Variants in ZNF251 observed in about 807,000 individuals in gnomAD.
ZNF251 encodes the protein zinc finger protein 251.
In ZNF251, 14 loss-of-function variants were observed where a neutral mutation model predicts 13.5. The ratio of observed to expected loss-of-function variants is 1.04; its 90% CI spans 0.69 to 1.63. The LOEUF (loss-of-function observed/expected upper bound fraction) is 1.63. Among genes scored for constraint, ZNF251 ranks in the 40% most tolerant of loss-of-function variants. The probability of loss-of-function intolerance (pLI) is 0.00; values close to 1 mark genes in which losing one functional copy is unlikely to be tolerated. For synonymous variants in ZNF251, 287 were observed against 295.2 expected (o/e 0.97, Z 0.28); for missense variants, 764 against 834.9 (o/e 0.92, Z 1.05).
intron 4 of ZNF251, among the ~76,000 whole-genome samples, chr8:144,738,939 A>T (rs537398546): frequency 6.6e-6 from 1 of 152,258 alleles, no homozygotes; most frequent in African/African-American, 2.4e-5. Context: ...ATGCAGGGTG[A>T]CACTTGAAAC....
Position 144,723,233 on chromosome 8 carries a change from G to A in ZNF251, c.427C>T (p.Leu143Phe). ...GCAGAATTTCCCACGCGCTCTTTGA[G>A]TTTGCCCTCACGGCCCCATGCTTCC... ...FREAWGREGK[L>F]KERVGNSAGQ... Residue 143 changes from leucine (L) to phenylalanine (F), a missense_variant, in exon 5 of 5, where the codon CTC becomes TTC. Coordinates refer to ENST00000292562, the MANE Select transcript of ZNF251 (RefSeq NM_138367.2). 6.2e-7 allele frequency: 1 copy of A among 1,613,652 alleles called. No individual in the cohort carries two copies. Among genetic ancestry groups the A allele is most frequent in the Non-Finnish European group, 8.5e-7 (1 of 1,179,706 alleles).
At chr8:144,725,078 A>C (rs973794697) in intron 4 of ZNF251, among the ~76,000 whole-genome samples, 2 of 152,008 alleles carry the variant, frequency 1.3e-5, no homozygotes, top group African/African-American at 4.8e-5. Context: ...CAATGGCACG[A>C]TCTCGGCTCA....
At chr8:144,736,030 C>T (rs978731138) in intron 4 of ZNF251, among the ~76,000 whole-genome samples, 2 of 152,206 alleles carry the variant, frequency 1.3e-5, no homozygotes, top group Non-Finnish European at 2.9e-5. Flanking sequence ...CCCCAAATCC[C>T]TGGACTAAGA....
intron 4 of ZNF251, among the ~76,000 whole-genome samples, chr8:144,732,326 C>T (rs1698998482): frequency 6.6e-6 from 1 of 152,140 alleles, no homozygotes; most frequent in Admixed American, 6.6e-5. Flanking sequence ...GATTTCCAAG[C>T]ATGATAAATG....
At position 144,753,728 on chromosome 8, in the gene ZNF251, G is replaced by A. The variant is rs1824813454; in HGVS notation, c.232C>T (p.Leu78Phe). The A allele has an allele frequency of 6.3e-7, 1 of 1,599,408 alleles. No individual in the cohort carries two copies. Among genetic ancestry groups the A allele is most frequent in the African/African-American group, 1.3e-5 (1 of 74,692 alleles). The change falls in exon 4 of 5, where the codon CTT becomes TTT. Residue 78 changes from leucine (L) to phenylalanine (F), a missense_variant. Leu to Phe is a conservative substitution (Grantham distance 22). Coordinates refer to ENST00000292562, the MANE Select transcript of ZNF251 (RefSeq NM_138367.2). ...EQGKELWVLNLLGAEEPDILK... is the reference protein window; with the variant it reads ...EQGKELWVLNFLGAEEPDILK... ...ATATCTGGTTCCTCAGCTCCCAGAAGATTCAGGACCCAAAGTTCCTTCCCC... is the reference window on the plus strand; with the variant it reads ...ATATCTGGTTCCTCAGCTCCCAGAAAATTCAGGACCCAAAGTTCCTTCCCC...
At chr8:144,737,070 C>T (rs1459670300) in intron 4 of ZNF251, among the ~76,000 whole-genome samples, 1 of 149,910 alleles carries the variant, frequency 6.7e-6, no homozygotes, top group Non-Finnish European at 1.5e-5. Context: ...TCCCAAAGTG[C>T]TGGGATTACA....
Position 144,755,519 on chromosome 8 carries a change from C to A in ZNF251, c.-190G>T, listed in dbSNP as rs1411422590. Reference sequence around the variant, plus strand: ...GGTCCAGAGCCGGGGAGGGGGCGGGCTAGGATGAAGAGGGCGGGCCGGGCC... The same window carrying A: ...GGTCCAGAGCCGGGGAGGGGGCGGGATAGGATGAAGAGGGCGGGCCGGGCC... On this transcript the variant is annotated 5_prime_UTR_variant, in exon 1 of 5. Coordinates refer to ENST00000292562, the MANE Select transcript of ZNF251 (RefSeq NM_138367.2). 3 of 1,285,832 alleles carry A rather than the reference C, an allele frequency of 2.3e-6. No individual in the cohort carries two copies. The highest frequency in any genetic ancestry group is 2.3e-5 in the Admixed American group (1 of 43,482). The allele number at this position is 1,285,832 out of a possible 1,614,324, so 79.7% of individuals were successfully genotyped here. A position where few individuals can be genotyped will look rare whatever the true frequency, so the allele number is the denominator to read the frequency against.
At chr8:144,755,292 C>G (rs1358575261) in intron 1 of ZNF251, 113 bp downstream of exon 1, 2 of 1,236,524 alleles carry the variant, frequency 1.6e-6, no homozygotes, top group Non-Finnish European at 2.1e-6. Context: ...GTGGCTCCCG[C>G]GGCACCCAGA....
intron 4 of ZNF251, among the ~76,000 whole-genome samples, chr8:144,732,011 C>A (rs992688001): frequency 3.3e-5 from 5 of 150,360 alleles, no homozygotes; most frequent in Non-Finnish European, 7.4e-5. Context: ...GATGCGATCT[C>A]AACTCACTGC....
intron 2 of ZNF251, 81 bp downstream of exon 2, chr8:144,754,615 C>A (rs1824867815): frequency 3.3e-6 from 5 of 1,513,248 alleles, no homozygotes; most frequent in Admixed American, 2.4e-5. Flanking sequence ...AGTTGCCGGG[C>A]TCACGGCTCC....
intron 3 of ZNF251, 122 bp from the exon 4 acceptor site, chr8:144,753,918 T>G: frequency 1.2e-6 from 1 of 818,238 alleles, no homozygotes; most frequent in Non-Finnish European, 1.9e-6. Flanking sequence ...AGGGGGCCCG[T>G]GGGCTGAGAC....
chr8:144,747,739 A>G (rs1824496347), intron 4 of ZNF251, among the ~76,000 whole-genome samples: 1 of 152,024 alleles, frequency 6.6e-6, no homozygotes. Context: ...CAGCCTCCCG[A>G]GTAGCTGAGA....
At chr8:144,754,586 G>T (rs1170194104) in intron 2 of ZNF251, 110 bp downstream of exon 2, 2 of 1,475,818 alleles carry the variant, frequency 1.4e-6, no homozygotes, top group East Asian at 2.5e-5. Context: ...GTTGCTATGA[G>T]CCCCTGGCTG....
At chr8:144,752,325 G>T (rs1824737364) in intron 4 of ZNF251, among the ~76,000 whole-genome samples, 1 of 151,942 alleles carries the variant, frequency 6.6e-6, no homozygotes, top group Admixed American at 6.6e-5. Context: ...AAATATGAAA[G>T]GAATGAAATA....
chr8:144,747,878 C>T (rs532599803), intron 4 of ZNF251, among the ~76,000 whole-genome samples: 51 of 152,014 alleles, frequency 3.4e-4, no homozygotes, highest in African/African-American at 1.1e-3. Context: ...TCCCAAAGTG[C>T]TGGGATTACA....
At chr8:144,733,618 C>G (rs1333773465) in intron 4 of ZNF251, among the ~76,000 whole-genome samples, 2 of 152,088 alleles carry the variant, frequency 1.3e-5, no homozygotes, top group Non-Finnish European at 2.9e-5. Flanking sequence ...TGCTTCAAAC[C>G]CTTGCACCCC....
intron 1 of ZNF251, chr8:144,755,037 G>GC: frequency 7.3e-7 from 1 of 1,361,232 alleles, no homozygotes; most frequent in Non-Finnish European, 9.4e-7. Context: ...GGCAGTTCCC[G>GC]TGGTCCAGAC....
chr8:144,737,320 A>G (rs1823939668), intron 4 of ZNF251, among the ~76,000 whole-genome samples: 1 of 150,610 alleles, frequency 6.6e-6, no homozygotes, highest in South Asian at 2.1e-4. Flanking sequence ...CTGGTCTTGA[A>G]CTCCTGGTCT....
intron 4 of ZNF251, among the ~76,000 whole-genome samples, chr8:144,735,029 G>A (rs751939632): frequency 4.8e-4 from 71 of 147,008 alleles, no homozygotes; most frequent in Admixed American, 1.0e-3. Flanking sequence ...AGCCAAGATC[G>A]CACCACTGCA....
Sources: allele counts gnomAD v4.1 joint callset (sites outside exome capture counted in the v4.1 genomes callset), GRCh38; gene constraint gnomAD v4.1.1; transcripts MANE v1.5; gene names NCBI Gene and HGNC (gene_info 2026-07-23, HGNC 2026-07-21).